The following GSE1 variants were observed in gnomAD, a reference collection of about 807,000 sequenced individuals.
GSE1 encodes the protein genetic suppressor element 1.
A neutral mutation model predicts 112.6 loss-of-function variants in GSE1; 32 were observed. That is an observed-to-expected ratio of 0.28 (90% CI 0.21 to 0.38). GSE1 has a LOEUF of 0.38. Ranked by LOEUF, GSE1 falls within the 10% of genes least tolerant of loss-of-function variation. The pLI is 1.00. For synonymous variants in GSE1, 1,115 were observed against 735.6 expected (o/e 1.52, Z -8.35); for missense variants, 2,348 against 1,699.2 (o/e 1.38, Z -6.71).
intron 1 of GSE1, among the ~76,000 whole-genome samples, chr16:85,213,364 G>T (rs938181359): frequency 6.6e-6 from 1 of 152,136 alleles, no homozygotes; most frequent in African/African-American, 2.4e-5. Flanking sequence ...AGGTGAGGGG[G>T]ATCGCTTGAG....
chr16:85,275,982 C>T (rs1285610263), intron 1 of GSE1, among the ~76,000 whole-genome samples: 1 of 152,236 alleles, frequency 6.6e-6, no homozygotes, highest in African/African-American at 2.4e-5. Context: ...TCCTTGGCCT[C>T]AGGGTCCCCC....
chr16:85,641,865 C>T (rs2050477790), intron 2 of GSE1, among the ~76,000 whole-genome samples: 1 of 152,262 alleles, frequency 6.6e-6, no homozygotes, highest in Admixed American at 6.5e-5. Context: ...GGCCAAGGGG[C>T]TGGACCTCCT....
intron 1 of GSE1, among the ~76,000 whole-genome samples, chr16:85,194,712 C>T (rs142802762): frequency 7.9e-5 from 12 of 152,264 alleles, no homozygotes; most frequent in African/African-American, 2.6e-4. Context: ...CTTTAATGCA[C>T]GGATGTCTAC....
At chr16:85,491,047 C>T (rs1180756147) in intron 2 of GSE1, among the ~76,000 whole-genome samples, 1 of 152,316 alleles carries the variant, frequency 6.6e-6, no homozygotes, top group East Asian at 1.9e-4. Context: ...TACCCCAAAG[C>T]CCTCCTTGAG....
At position 85,411,780 on chromosome 16, in the gene GSE1, G is replaced by A. The variant is rs1329613987; in HGVS notation, c.2464+54137G>A. ...TCACCGTTACACTCAGGGCCCCCCT[G>A]GATAATCCTCACTGTTACACTCAGG... On this transcript the variant is annotated intron_variant, in intron 2 of 2. Transcript: ENST00000637419. Among the ~76,000 whole-genome samples, 22 of 11,856 alleles carry A rather than the reference G, an allele frequency of 1.9e-3. 1 individual carries two copies. Among genetic ancestry groups the A allele is most frequent in the Middle Eastern group, 0.083 (1 of 12 alleles). 7.8% of individuals were successfully genotyped at this position (11,856 alleles called of 152,430 possible). A position where few individuals can be genotyped will look rare whatever the true frequency, so the allele number is the denominator to read the frequency against.
intron 1 of GSE1, among the ~76,000 whole-genome samples, chr16:85,172,537 T>C (rs904013747): frequency 1.3e-5 from 2 of 152,206 alleles, no homozygotes; most frequent in African/African-American, 4.8e-5. Flanking sequence ...GGGGCTCAGT[T>C]AATTTGGGAT....
At chr16:85,602,673 C>T (rs1254565265) in intron 1 of GSE1, among the ~76,000 whole-genome samples, 2 of 152,160 alleles carry the variant, frequency 1.3e-5, no homozygotes, top group African/African-American at 2.4e-5. Context: ...GGATGGACCA[C>T]GAAGCCAGAG....
At chr16:85,422,835 G>C (rs191850720) in intron 2 of GSE1, among the ~76,000 whole-genome samples, 1 of 152,286 alleles carries the variant, frequency 6.6e-6, no homozygotes, top group African/African-American at 2.4e-5. Flanking sequence ...GAGGAAGGGC[G>C]GCTGAACCCT....
chr16:85,565,263 G>A (rs1008039779), intron 1 of GSE1, among the ~76,000 whole-genome samples: 4 of 151,990 alleles, frequency 2.6e-5, no homozygotes, highest in Non-Finnish European at 4.4e-5. Flanking sequence ...ATGGTGGTGC[G>A]TGCCTGTAAT....
At chr16:85,471,875 T>C (rs2050306565) in intron 2 of GSE1, among the ~76,000 whole-genome samples, 1 of 152,238 alleles carries the variant, frequency 6.6e-6, no homozygotes, top group Admixed American at 6.5e-5. Flanking sequence ...CGTGCCTGGC[T>C]AAGCCCACAT....
In GSE1 at chr16:85,657,440, T is replaced by C. The variant is rs1598634620; in HGVS notation, c.1476T>C (p.Asn492=). 1 of 1,612,370 alleles carries C rather than the reference T, an allele frequency of 6.2e-7. No individual in the cohort carries two copies. Among genetic ancestry groups the C allele is most frequent in the Non-Finnish European group, 8.5e-7 (1 of 1,179,716 alleles). Reference sequence around the variant, plus strand: ...CAGCCCTGCTGATCCAGCGCACCAATGAGGAGGAGAAGTGGCTGGCGCGGC... The same window carrying C: ...CAGCCCTGCTGATCCAGCGCACCAACGAGGAGGAGAAGTGGCTGGCGCGGC... ...AATALLIQRT[N]EEEKWLARQR... is the part of the protein sequence containing the mutation. Residue 492 remains asparagine, a synonymous_variant, in exon 8 of 16, where the codon AAT becomes AAC. Coordinates refer to ENST00000253458, the MANE Select transcript of GSE1 (RefSeq NM_014615.5).
At chr16:85,622,721 G>T (rs754398987) in intron 1 of GSE1, among the ~76,000 whole-genome samples, 1 of 152,164 alleles carries the variant, frequency 6.6e-6, no homozygotes, top group East Asian at 1.9e-4. Flanking sequence ...ATTCAGGGGA[G>T]ACCTACCTTG....
chr16:85,218,967 C>T (rs541701029), intron 1 of GSE1, among the ~76,000 whole-genome samples: 79 of 152,262 alleles, frequency 5.2e-4, no homozygotes, highest in Admixed American at 3.6e-3. Flanking sequence ...GCAAGCTCCA[C>T]CTCCCGGGTT....
intron 2 of GSE1, among the ~76,000 whole-genome samples, chr16:85,358,807 T>G (rs558898120): frequency 6.6e-6 from 1 of 152,240 alleles, no homozygotes; most frequent in Non-Finnish European, 1.5e-5. Flanking sequence ...GGGACTACTG[T>G]CCCCACCTTG....
At chr16:85,660,691 C>T (rs913336386) in intron 8 of GSE1, among the ~76,000 whole-genome samples, 4 of 151,894 alleles carry the variant, frequency 2.6e-5, no homozygotes, top group Non-Finnish European at 5.9e-5. Flanking sequence ...AGTGCAATGG[C>T]ACGGTCTCAG....
upstream of GSE1, chr16:85,613,196 C>T (rs2048109843): frequency 1.4e-6 from 2 of 1,429,954 alleles, no homozygotes; most frequent in Non-Finnish European, 1.8e-6. Flanking sequence ...CGGGAGTGGG[C>T]GGCGTTGCGT....
chr16:85,174,912 C>T (rs1167648020), intron 1 of GSE1, among the ~76,000 whole-genome samples: 1 of 152,128 alleles, frequency 6.6e-6, no homozygotes, highest in African/African-American at 2.4e-5. Context: ...CGTGCATCTT[C>T]CCATCTGTCT....
Position 85,666,245 on chromosome 16 carries a change from G to A in GSE1, c.3028G>A (p.Gly1010Arg), listed in dbSNP as rs1158603717. ...TGTGCCGCTGTCCCACAGCACCAAT[G>A]GGAAGAGCAAGCCGTGGGAGCCCTT... ...IPVPLSHSTN[G>R]KSKPWEPFVA... Residue 1010 changes from glycine to arginine, a missense_variant, in exon 13 of 16, where the codon GGG (glycine) becomes AGG (arginine). Coordinates refer to ENST00000253458, the MANE Select transcript of GSE1 (RefSeq NM_014615.5). The A allele has an allele frequency of 2.5e-6, 4 of 1,613,864 alleles. No individual in the cohort carries two copies. The highest frequency in any genetic ancestry group is 2.7e-5 in the African/African-American group (2 of 75,066).
At chr16:85,513,510 G>A (rs367958649) in intron 2 of GSE1, among the ~76,000 whole-genome samples, 104 of 152,184 alleles carry the variant, frequency 6.8e-4, no homozygotes, top group African/African-American at 2.4e-3. Context: ...CGCACCCAAC[G>A]TCCTCTCTTC....
Sources: allele counts gnomAD v4.1 joint callset (sites outside exome capture counted in the v4.1 genomes callset), GRCh38; gene constraint gnomAD v4.1.1; transcripts MANE v1.5; gene names NCBI Gene and HGNC (gene_info 2026-07-23, HGNC 2026-07-21).